DLGAP4: variants seen among roughly 807,000 people sequenced by gnomAD.
DLGAP4 encodes disks large-associated protein 4.
A neutral mutation model predicts 86.9 loss-of-function variants in DLGAP4; 18 were observed. That is an observed-to-expected ratio of 0.21 (90% CI 0.14 to 0.31). The LOEUF is 0.31. DLGAP4 is among the 10% of genes least tolerant of loss of function. The pLI, the probability that DLGAP4 is intolerant of heterozygous loss-of-function variation, is 1.00. For synonymous variants in DLGAP4, 548 were observed against 574.3 expected, an observed-to-expected ratio of 0.95 and a Z score of 0.65; for missense variants, 1,085 against 1,362.6, an observed-to-expected ratio of 0.80 and a Z score of 3.21.
At chr20:36,360,688 A>G (rs6016372) in intron 1 of DLGAP4, among the ~76,000 whole-genome samples, 4,892 of 147,680 alleles carry the variant, frequency 0.033, 256 homozygotes, top group African/African-American at 0.12. Context: ...GACTGGTGGA[A>G]GAGTGGGTGG....
At position 36,508,419 on chromosome 20, in the gene DLGAP4, G is replaced by GTTTTTTTTTTTTTT. The variant is rs1569523131; in HGVS notation, c.2512+7810_2512+7811insTTTTTTTTTTTTTT. 81 of 134,586 alleles carry GTTTTTTTTTTTTTT rather than the reference G, an allele frequency of 6.0e-4. 3 individuals carry two copies. The highest frequency in any genetic ancestry group is 2.2e-3 in the African/African-American group (74 of 33,578). 8.3% of individuals were successfully genotyped at this position (134,586 alleles called of 1,614,324 possible). A position where few individuals can be genotyped will look rare whatever the true frequency, so the allele number is the denominator to read the frequency against. On this transcript the variant is annotated intron_variant, in intron 10 of 12. Transcript: ENST00000339266. Reference sequence around the variant, plus strand: ...ACCATTTTCCTACTGATGTTTCAGGGTTCTTTTTTTTTTTTTTTTTTTTTT... The same window carrying GTTTTTTTTTTTTTT: ...ACCATTTTCCTACTGATGTTTCAGGGTTTTTTTTTTTTTTTTCTTTTTTTTTTTTTTTTTTTTTT...
At chr20:36,427,713 T>G (rs1600515080) in intron 2 of DLGAP4, among the ~76,000 whole-genome samples, 1 of 151,478 alleles carries the variant, frequency 6.6e-6, no homozygotes, top group East Asian at 2.0e-4. Context: ...GAGGCCAAGG[T>G]GGGTGGATCA....
intron 1 of DLGAP4, among the ~76,000 whole-genome samples, chr20:36,360,649 T>G (rs2030486161): frequency 6.8e-6 from 1 of 146,766 alleles, no homozygotes; most frequent in African/African-American, 2.6e-5. Context: ...GGGGAGTAGA[T>G]GAAGGGTGAA....
chr20:36,347,431 A>G (rs981319885), intron 1 of DLGAP4, among the ~76,000 whole-genome samples: 1 of 151,828 alleles, frequency 6.6e-6, no homozygotes, highest in Non-Finnish European at 1.5e-5. Flanking sequence ...CCAGGCCAAG[A>G]GAAGCTTGTT....
chr20:36,371,995 T>C (rs944374410), intron 2 of DLGAP4, among the ~76,000 whole-genome samples: 1 of 152,198 alleles, frequency 6.6e-6, no homozygotes, highest in African/African-American at 2.4e-5. Flanking sequence ...TCTTCTCTCC[T>C]GCTACCCACC....
rs201502029 is a variant in DLGAP4 at position 36,499,361 on chromosome 20, G to A, written c.2011-227G>A. On this transcript the variant is annotated intron_variant, in intron 8 of 12. Transcript: ENST00000339266. ...TCATCTCCACCCCATCCCACCTCCC[G>A]CCCACCTGCCCGCCCGCCCGCCTGC... 19 of 937,242 alleles carry A rather than the reference G, an allele frequency of 2.0e-5. No individual in the cohort carries two copies. The East Asian group carries it at 6.4e-4, about 32-fold the overall frequency. 58.1% of individuals were successfully genotyped at this position (937,242 alleles called of 1,614,324 possible).
At chr20:36,451,854 G>A (rs2033745592) in intron 7 of DLGAP4, among the ~76,000 whole-genome samples, 1 of 148,992 alleles carries the variant, frequency 6.7e-6, no homozygotes, top group African/African-American at 2.5e-5. Flanking sequence ...TCCGCCTCCT[G>A]GATTCAAGTG....
intron 7 of DLGAP4, among the ~76,000 whole-genome samples, chr20:36,451,696 G>A (rs2033740196): frequency 6.6e-6 from 1 of 151,516 alleles, no homozygotes; most frequent in Admixed American, 6.6e-5. Context: ...ACCACACTTT[G>A]ATTTGATCCT....
chr20:36,427,027 A>G (rs1303761815), intron 2 of DLGAP4, among the ~76,000 whole-genome samples: 1 of 152,064 alleles, frequency 6.6e-6, no homozygotes, highest in Non-Finnish European at 1.5e-5. Flanking sequence ...AAAAAAAAAA[A>G]AAATGTTTTT....
At chr20:36,507,447 T>G (rs2036442132) in intron 10 of DLGAP4, among the ~76,000 whole-genome samples, 1 of 152,142 alleles carries the variant, frequency 6.6e-6, no homozygotes, top group South Asian at 2.1e-4. Context: ...AGGCTGGTCT[T>G]GAACTCCTGA....
intron 11 of DLGAP4, chr20:36,525,544 G>C: frequency 4.6e-6 from 2 of 435,282 alleles, no homozygotes; most frequent in South Asian, 6.0e-5. Context: ...GTCACACCAT[G>C]GCCAAGAACT....
Position 36,412,225 on chromosome 20 carries a change from C to T in DLGAP4, c.-72-19421C>T, listed in dbSNP as rs187472834. The stretch of plus-strand genomic sequence containing the variant: ...TCCAGGATGGTTCCCCAGTGGGGGC[C>T]GGAATGAAACAGGGCGAGGCAGGTG... On this transcript the variant is annotated intron_variant, in intron 2 of 12. Transcript: ENST00000339266. Among the ~76,000 whole-genome samples the T allele has an allele frequency of 4.6e-5, 7 of 152,314 alleles. No homozygotes were observed. In the East Asian group the frequency reaches 1.4e-3, roughly 29 times the overall value.
chr20:36,335,069 G>C (rs1222650041), intron 1 of DLGAP4, among the ~76,000 whole-genome samples: 1 of 152,180 alleles, frequency 6.6e-6, no homozygotes, highest in Non-Finnish European at 1.5e-5. Flanking sequence ...GGTTGGAGCT[G>C]GCACCTGAGC....
chr20:36,377,483 C>T (rs957842013), intron 2 of DLGAP4, among the ~76,000 whole-genome samples: 4 of 152,216 alleles, frequency 2.6e-5, no homozygotes, highest in Non-Finnish European at 4.4e-5. Flanking sequence ...CCAGATTTGG[C>T]GCATAGCAAG....
At chr20:36,362,542 C>G (rs1555894298) in intron 1 of DLGAP4, among the ~76,000 whole-genome samples, 1 of 152,116 alleles carries the variant, frequency 6.6e-6, no homozygotes, top group African/African-American at 2.4e-5. Flanking sequence ...AATGTCACAT[C>G]TGCGACAAGG....
intron 5 of DLGAP4, 78 bp from the exon 6 acceptor site, chr20:36,442,649 C>T: frequency 6.5e-7 from 1 of 1,528,322 alleles, no homozygotes; most frequent in Admixed American, 1.7e-5. Context: ...CTTCAAGTTT[C>T]CTTGCAATTG....
intron 7 of DLGAP4, among the ~76,000 whole-genome samples, chr20:36,494,333 G>C (rs1193953720): frequency 1.3e-5 from 2 of 152,188 alleles, no homozygotes; most frequent in Non-Finnish European, 2.9e-5. Context: ...CTGTTTCTCT[G>C]CTGATGAGGG....
chr20:36,404,049 G>A (rs1008037235), intron 2 of DLGAP4, among the ~76,000 whole-genome samples: 1 of 152,166 alleles, frequency 6.6e-6, no homozygotes, highest in Non-Finnish European at 1.5e-5. Flanking sequence ...TTAGTTACCC[G>A]GGTCAACCCT....
chr20:36,352,218 G>A (rs782518154), intron 1 of DLGAP4, among the ~76,000 whole-genome samples: 2 of 152,142 alleles, frequency 1.3e-5, no homozygotes, highest in South Asian at 2.1e-4. Flanking sequence ...GAGAGTGGGC[G>A]ATGGCAGAGA....
Sources: gnomAD v4.1 joint callset for allele counts (sites outside exome capture counted in the v4.1 genomes callset) on GRCh38, gnomAD v4.1.1 for gene constraint, MANE v1.5 for transcripts, NCBI Gene and HGNC (gene_info 2026-07-23, HGNC 2026-07-21) for gene names.